RBFOX1: variants seen among roughly 807,000 people sequenced by gnomAD.
The protein encoded by RBFOX1 is RNA binding protein fox-1 homolog 1.
Under a neutral mutation model 57.7 loss-of-function variants are expected in RBFOX1, and 8 were observed. That is an observed-to-expected ratio of 0.14 (90% CI 0.08 to 0.25). The LOEUF (loss-of-function observed/expected upper bound fraction) is 0.25. Ranked by LOEUF, RBFOX1 falls within the 10% of genes least tolerant of loss-of-function variation. RBFOX1 has a pLI of 1.00. For synonymous variants in RBFOX1, 326 were observed against 222.4 expected, an observed-to-expected ratio of 1.47 and a Z score of -4.15; for missense variants, 611 against 548.5, an observed-to-expected ratio of 1.11 and a Z score of -1.14.
intron 3 of RBFOX1, among the ~76,000 whole-genome samples, chr16:5,628,037 T>C (rs780564302): frequency 3.9e-5 from 6 of 152,202 alleles, no homozygotes; most frequent in Non-Finnish European, 5.9e-5. Flanking sequence ...AGGAATTCCT[T>C]ATATTTTGAA....
intron 3 of RBFOX1, among the ~76,000 whole-genome samples, chr16:6,915,682 C>T (rs766901490): frequency 6.6e-6 from 1 of 151,624 alleles, no homozygotes; most frequent in African/African-American, 2.4e-5. Flanking sequence ...TTCAGAGTAG[C>T]TGTGAGTACA....
At chr16:7,471,552 CA>C (rs1219033256) in intron 4 of RBFOX1, among the ~76,000 whole-genome samples, 2 of 152,052 alleles carry the variant, frequency 1.3e-5, no homozygotes, top group East Asian at 3.9e-4. Flanking sequence ...ATCAGTAGGA[CA>C]TTTCAAAAAA....
chr16:6,989,853 A>G (rs1223054813), intron 3 of RBFOX1, among the ~76,000 whole-genome samples: 1 of 151,946 alleles, frequency 6.6e-6, no homozygotes, highest in Non-Finnish European at 1.5e-5. Context: ...TACAAACATT[A>G]GCCAGGCCTG....
intron 4 of RBFOX1, among the ~76,000 whole-genome samples, chr16:7,291,624 C>T (rs1343616755): frequency 6.6e-6 from 1 of 151,954 alleles, no homozygotes; most frequent in African/African-American, 2.4e-5. Flanking sequence ...GGAAGAGCAG[C>T]ATGTGCAGAT....
chr16:6,819,662 G>GCCATT (rs1389018545), intron 3 of RBFOX1, among the ~76,000 whole-genome samples: 3 of 124,122 alleles, frequency 2.4e-5, no homozygotes, highest in African/African-American at 9.3e-5. Flanking sequence ...CCAGGATCAA[G>GCCATT]GCATTGCATT....
At chr16:7,225,696 T>C (rs1029214515) in intron 4 of RBFOX1, among the ~76,000 whole-genome samples, 1 of 137,576 alleles carries the variant, frequency 7.3e-6, no homozygotes, top group Non-Finnish European at 1.5e-5. Flanking sequence ...CCAAATAGAA[T>C]TGGCGTTTGT....
At position 6,019,780 on chromosome 16, in the gene RBFOX1, TCCCCGCCTGTCCGGACCCTCGCCGCG is replaced by T. The variant is rs912355858; in HGVS notation, c.-335_-310del. ...GACCCCCACCCAGTGGCCGCCAGGG[TCCCCGCCTGTCCGGACCCTCGCCGCG>T]CCCAGGCAGGCGCGCCAGGGCGGGG... On this transcript the variant is annotated 5_prime_UTR_variant, in exon 1 of 16. Coordinates refer to ENST00000550418, the MANE Select transcript of RBFOX1 (RefSeq NM_018723.4). The surrounding 1 kb of genome is among the most constrained non-coding windows in gnomAD (Gnocchi z 4.2). 8 of 1,438,078 alleles carry T rather than the reference TCCCCGCCTGTCCGGACCCTCGCCGCG, an allele frequency of 5.6e-6. No individual in the cohort carries two copies. The African/African-American group carries it at 8.7e-5, about 16-fold the overall frequency. The allele number at this position is 1,438,078 out of a possible 1,614,324, so 89.1% of individuals were successfully genotyped here. A position where few individuals can be genotyped will look rare whatever the true frequency, so the allele number is the denominator to read the frequency against.
At chr16:7,155,688 C>T (rs1483626002) in intron 4 of RBFOX1, among the ~76,000 whole-genome samples, 2 of 113,762 alleles carry the variant, frequency 1.8e-5, no homozygotes, top group East Asian at 2.5e-4. Flanking sequence ...TTCCTCCCTT[C>T]TCCTCCCACC....
intron 1 of RBFOX1, among the ~76,000 whole-genome samples, chr16:5,307,272 T>A (rs1204463499): frequency 6.6e-6 from 1 of 152,200 alleles, no homozygotes; most frequent in Non-Finnish European, 1.5e-5. Context: ...ACCAGGAGAC[T>A]TTTCTGGCAC....
At chr16:6,180,715 G>A (rs1001708959) in intron 1 of RBFOX1, among the ~76,000 whole-genome samples, 11 of 151,814 alleles carry the variant, frequency 7.2e-5, no homozygotes, top group African/African-American at 1.4e-4. Context: ...ACAGGCACCC[G>A]CCACCACACC....
chr16:7,005,030 G>C (rs1220769674), intron 3 of RBFOX1, among the ~76,000 whole-genome samples: 1 of 152,162 alleles, frequency 6.6e-6, no homozygotes, highest in African/African-American at 2.4e-5. Flanking sequence ...TGTTATCCCA[G>C]CTACTTGGGA....
At chr16:6,431,018 G>C (rs1374987406) in intron 2 of RBFOX1, among the ~76,000 whole-genome samples, 1 of 151,204 alleles carries the variant, frequency 6.6e-6, no homozygotes, top group Non-Finnish European at 1.5e-5. Flanking sequence ...TGCACCTGTA[G>C]TCCCAGCTAC....
In RBFOX1 at chr16:6,388,910, G is replaced by A. The variant is rs993333450; in HGVS notation, c.-64+71853G>A. ...TCACAGAAGCAGAGAGTAGAATGGC[G>A]GTTTCCAGGGGCTGACAGGTGGAGA... On this transcript the variant is annotated intron_variant, in intron 2 of 15. Coordinates refer to ENST00000550418, the MANE Select transcript of RBFOX1 (RefSeq NM_018723.4). 4.6e-5 allele frequency among the ~76,000 whole-genome samples: 7 copies of A among 152,154 alleles called. No homozygotes were observed. In the South Asian group the frequency reaches 1.2e-3, roughly 27 times the overall value.
chr16:6,694,092 T>A (rs1042100456), intron 3 of RBFOX1, among the ~76,000 whole-genome samples: 2 of 152,224 alleles, frequency 1.3e-5, no homozygotes, highest in African/African-American at 4.8e-5. Context: ...TTTCAATAAT[T>A]CAACACCCAG....
chr16:6,893,454 C>G lies in RBFOX1; in HGVS notation c.-15-158603C>G, dbSNP rs115191583. On this transcript the variant is annotated intron_variant, in intron 3 of 15. Coordinates refer to ENST00000550418, the MANE Select transcript of RBFOX1 (RefSeq NM_018723.4). The stretch of plus-strand genomic sequence containing the variant: ...TCATCAAAAGATCTTTCTTTTAAAC[C>G]TGAACTCTAGTAGCTGTGCGATAGA... Among the ~76,000 whole-genome samples the G allele has an allele frequency of 3.4e-4, 51 of 152,228 alleles. No homozygotes were observed. In the East Asian group the frequency reaches 9.5e-3, roughly 28 times the overall value.
chr16:6,390,690 T>C (rs2092557997), intron 2 of RBFOX1, among the ~76,000 whole-genome samples: 2 of 152,204 alleles, frequency 1.3e-5, no homozygotes, highest in Admixed American at 1.3e-4. Flanking sequence ...ATGATGACTT[T>C]TACAAAGAGA....
At chr16:7,429,575 C>G (rs567861746) in intron 4 of RBFOX1, among the ~76,000 whole-genome samples, 3 of 152,184 alleles carry the variant, frequency 2.0e-5, no homozygotes, top group Non-Finnish European at 4.4e-5. Context: ...CTCATACACC[C>G]AGAGCCTAGA....
intron 3 of RBFOX1, among the ~76,000 whole-genome samples, chr16:6,681,631 A>G (rs1389962997): frequency 2.0e-5 from 3 of 151,354 alleles, no homozygotes; most frequent in Non-Finnish European, 4.4e-5. Context: ...GCAATAACAT[A>G]TAATCACAAT....
At chr16:5,705,238 G>A (rs1242170218) in intron 3 of RBFOX1, among the ~76,000 whole-genome samples, 1 of 152,116 alleles carries the variant, frequency 6.6e-6, no homozygotes, top group African/African-American at 2.4e-5. Context: ...CACCATCCAT[G>A]TGCTAATGGA....
Sources: gnomAD v4.1 joint callset for allele counts (sites outside exome capture counted in the v4.1 genomes callset) on GRCh38, gnomAD v4.1.1 for gene constraint, Gnocchi (gnomAD v3.1) non-coding constraint, MANE v1.5 for transcripts, NCBI Gene and HGNC (gene_info 2026-07-23, HGNC 2026-07-21) for gene names.